TTC8: variants seen among roughly 807,000 people sequenced by gnomAD.
TTC8 encodes the protein tetratricopeptide repeat protein 8.
Under a neutral mutation model 72.5 loss-of-function variants are expected in TTC8, and 47 were observed. The observed-to-expected ratio is 0.65, with a 90% confidence interval of 0.51 to 0.83. The LOEUF is 0.83. TTC8 is among the 40% of genes least tolerant of loss of function. The pLI, the probability that TTC8 is intolerant of heterozygous loss-of-function variation, is 0.00. For missense variants in TTC8, 611 were observed against 623.2 expected, an observed-to-expected ratio of 0.98 and a Z score of 0.21; for synonymous variants, 199 against 221.4, an observed-to-expected ratio of 0.90 and a Z score of 0.90.
intron 10 of TTC8, among the ~76,000 whole-genome samples, chr14:88,869,669 A>C (rs956044445): frequency 1.3e-5 from 2 of 152,046 alleles, no homozygotes; most frequent in African/African-American, 4.8e-5. Flanking sequence ...CCCTCTGCCC[A>C]GAGTGAGCTT....
downstream of TTC8, chr14:88,880,989 G>T (rs1382072077): frequency 6.6e-6 from 1 of 152,058 alleles, no homozygotes; most frequent in Non-Finnish European, 1.5e-5. Flanking sequence ...TATATATGAG[G>T]TGAAGGTACT....
intron 10 of TTC8, among the ~76,000 whole-genome samples, chr14:88,862,541 CATATATATATATATATATAT>C (rs71130022): frequency 0.039 from 921 of 23,802 alleles, 58 homozygotes; most frequent in Non-Finnish European, 0.058. Context: ...TCTCTCTCTC[CATATATATATATATATATAT>C]ATATATATAT....
intron 10 of TTC8, among the ~76,000 whole-genome samples, chr14:88,866,777 C>T (rs577532435): frequency 1.3e-5 from 2 of 152,234 alleles, no homozygotes; most frequent in East Asian, 3.9e-4. Context: ...CAGTCAGTGC[C>T]CAGGGATTCT....
At chr14:88,856,041 A>G (rs1249851435) in intron 8 of TTC8, among the ~76,000 whole-genome samples, 1 of 152,222 alleles carries the variant, frequency 6.6e-6, no homozygotes, top group African/African-American at 2.4e-5. Flanking sequence ...CTGTGATCCC[A>G]CCATTGCCCT....
chr14:88,841,731 T>C (rs1340731123), intron 6 of TTC8, among the ~76,000 whole-genome samples: 1 of 152,202 alleles, frequency 6.6e-6, no homozygotes, highest in Non-Finnish European at 1.5e-5. Flanking sequence ...GGAAATTCTT[T>C]TCCCTTGATA....
At chr14:88,840,706 C>G in intron 3 of TTC8, 159 bp from the exon 4 acceptor site, 2 of 712,940 alleles carry the variant, frequency 2.8e-6, no homozygotes, top group Non-Finnish European at 5.0e-6. Context: ...ATGATAGGTA[C>G]TCATTAAATA....
At position 88,877,420 on chromosome 14, in the gene TTC8, A is replaced by C; in HGVS notation, c.*10A>C. ...TTTTGCTATGCTCTGATTGTTCCTT[A>C]GACCACATATGTTCTTATGAAGCAG... On this transcript the variant is annotated 3_prime_UTR_variant, in exon 15 of 15. Transcript: ENST00000380656. 2 of 1,599,770 alleles carry C rather than the reference A, an allele frequency of 1.3e-6. No individual in the cohort carries two copies. Among genetic ancestry groups the C allele is most frequent in the Non-Finnish European group, 1.7e-6 (2 of 1,167,044 alleles).
intron 11 of TTC8, among the ~76,000 whole-genome samples, chr14:88,870,901 G>T (rs2094930921): frequency 6.6e-6 from 1 of 152,186 alleles, no homozygotes; most frequent in Non-Finnish European, 1.5e-5. Flanking sequence ...CCCAAAGTGG[G>T]TCATGGGTTT....
intron 10 of TTC8, among the ~76,000 whole-genome samples, chr14:88,864,279 A>G (rs930069096): frequency 6.6e-6 from 1 of 152,214 alleles, no homozygotes; most frequent in African/African-American, 2.4e-5. Flanking sequence ...TTGATCAATC[A>G]ATGAAAATAT....
chr14:88,824,612 C>T (rs779688060), upstream of TTC8: 4 of 995,448 alleles, frequency 4.0e-6, no homozygotes, highest in African/African-American at 1.6e-5. Context: ...CCCCAGCCGT[C>T]GCGGGTTGCC....
chr14:88,866,847 C>T (rs542141371), intron 10 of TTC8, among the ~76,000 whole-genome samples: 2 of 152,226 alleles, frequency 1.3e-5, no homozygotes, highest in South Asian at 4.1e-4. Flanking sequence ...CCACCCAAGA[C>T]TCCCATACAC....
intron 1 of TTC8, among the ~76,000 whole-genome samples, chr14:88,833,006 G>A (rs1434757612): frequency 6.6e-6 from 1 of 152,176 alleles, no homozygotes; most frequent in Non-Finnish European, 1.5e-5. Flanking sequence ...CATATGGTTT[G>A]CACATTGCTT....
chr14:88,838,613 C>A (rs1441838211), intron 2 of TTC8, among the ~76,000 whole-genome samples: 1 of 152,064 alleles, frequency 6.6e-6, no homozygotes, highest in African/African-American at 2.4e-5. Flanking sequence ...TTGTTTTCTG[C>A]CTCTATTCTG....
intron 13 of TTC8, 60 bp downstream of exon 13, chr14:88,872,512 G>C: frequency 6.2e-7 from 1 of 1,606,958 alleles, no homozygotes; most frequent in Non-Finnish European, 8.5e-7. Context: ...AAGCTGTCAT[G>C]TGTGGTAGCA....
At chr14:88,826,370 A>C (rs940777298) in intron 1 of TTC8, among the ~76,000 whole-genome samples, 9 of 152,050 alleles carry the variant, frequency 5.9e-5, no homozygotes, top group African/African-American at 1.4e-4. Context: ...CTTGTGACAA[A>C]ATATTGACCC....
At position 88,871,764 on chromosome 14, in the gene TTC8, G is replaced by T; in HGVS notation, c.1224+41G>T. On this transcript the variant is annotated intron_variant, in intron 12 of 14. Transcript: ENST00000380656. The surrounding 1 kb of genome is among the most constrained non-coding windows in gnomAD (Gnocchi z 4.1). ...GATATAATTTCTGTTATAGAAAGTT[G>T]GTTTGAGCCAGACACAGTGGCTCAT... 4.3e-6 allele frequency: 7 copies of T among 1,611,312 alleles called. No individual in the cohort carries two copies. Among genetic ancestry groups the T allele is most frequent in the Non-Finnish European group, 5.9e-6 (7 of 1,177,890 alleles).
intron 7 of TTC8, 21 bp from the exon 8 acceptor site, chr14:88,852,950 T>C: frequency 6.2e-7 from 1 of 1,600,886 alleles, no homozygotes; most frequent in Non-Finnish European, 8.6e-7. Flanking sequence ...AATACTAATC[T>C]AAAATGAATT....
At chr14:88,851,588 G>A (rs1226727399) in intron 7 of TTC8, among the ~76,000 whole-genome samples, 1 of 152,140 alleles carries the variant, frequency 6.6e-6, no homozygotes. Context: ...TACCATGTAT[G>A]CCTGAATTAA....
intron 6 of TTC8, among the ~76,000 whole-genome samples, chr14:88,843,463 A>T (rs1392615988): frequency 6.6e-6 from 1 of 152,230 alleles, no homozygotes; most frequent in Non-Finnish European, 1.5e-5. Context: ...TGTCTAAATT[A>T]TCATTATTAA....
Sources: allele counts gnomAD v4.1 joint callset (sites outside exome capture counted in the v4.1 genomes callset), GRCh38; gene constraint gnomAD v4.1.1; non-coding constraint Gnocchi (gnomAD v3.1); transcripts MANE v1.5; gene names NCBI Gene and HGNC (gene_info 2026-07-23, HGNC 2026-07-21).